The following EDIL3 variants were observed in gnomAD, a reference collection of about 807,000 sequenced individuals.
EDIL3 encodes the protein EGF-like repeat and discoidin I-like domain-containing protein 3.
In EDIL3, 37 loss-of-function variants were observed where a neutral mutation model predicts 67.4. The ratio of observed to expected loss-of-function variants is 0.55; its 90% CI spans 0.42 to 0.72. The LOEUF (loss-of-function observed/expected upper bound fraction) is 0.72. Among genes scored for constraint, EDIL3 ranks in the 30% least tolerant of loss-of-function variants. EDIL3 has a pLI of 0.00. For synonymous variants in EDIL3, 195 were observed against 196.3 expected (o/e 0.99, Z 0.05); for missense variants, 527 against 586.3 (o/e 0.90, Z 1.04).
At chr5:84,255,952 T>A (rs1399637012) in intron 1 of EDIL3, among the ~76,000 whole-genome samples, 2 of 152,170 alleles carry the variant, frequency 1.3e-5, no homozygotes, top group African/African-American at 4.8e-5. Flanking sequence ...ATTTTTAAGA[T>A]AAGGAATCAA....
At chr5:83,997,639 G>A (rs1745257718) in intron 9 of EDIL3, among the ~76,000 whole-genome samples, 1 of 152,100 alleles carries the variant, frequency 6.6e-6, no homozygotes, top group Non-Finnish European at 1.5e-5. Flanking sequence ...CTATAAATAC[G>A]AAAGTCGTCC....
intron 1 of EDIL3, among the ~76,000 whole-genome samples, chr5:84,330,116 C>A (rs1346626210): frequency 1.3e-5 from 2 of 152,014 alleles, no homozygotes. Context: ...TCGAATATAA[C>A]CCTCAAATAA....
intron 5 of EDIL3, among the ~76,000 whole-genome samples, chr5:84,128,104 G>C (rs552429929): frequency 6.6e-6 from 1 of 152,072 alleles, no homozygotes; most frequent in Non-Finnish European, 1.5e-5. Context: ...TTACTTCCAA[G>C]TGTGCTGATT....
chr5:83,952,453 G>T (rs1744438823), intron 10 of EDIL3, among the ~76,000 whole-genome samples: 1 of 151,722 alleles, frequency 6.6e-6, no homozygotes, highest in Non-Finnish European at 1.5e-5. Flanking sequence ...CCACTACTCA[G>T]ATTTTGACTG....
intron 3 of EDIL3, among the ~76,000 whole-genome samples, chr5:84,216,857 C>T (rs899187749): frequency 2.6e-5 from 4 of 152,240 alleles, no homozygotes; most frequent in East Asian, 3.9e-4. Context: ...TTGTTGAGTG[C>T]GATCTTTACA....
intron 1 of EDIL3, among the ~76,000 whole-genome samples, chr5:84,372,701 G>A (rs560862085): frequency 7.2e-5 from 11 of 152,218 alleles, no homozygotes; most frequent in African/African-American, 2.4e-4. Context: ...AGTTTTGAGT[G>A]CTGATTACTT....
At chr5:84,187,723 G>A (rs1172446529) in intron 3 of EDIL3, among the ~76,000 whole-genome samples, 1 of 151,840 alleles carries the variant, frequency 6.6e-6, no homozygotes, top group Non-Finnish European at 1.5e-5. Flanking sequence ...GCCATTTTGA[G>A]CCACTGTCAC....
At position 84,043,124 on chromosome 5, in the gene EDIL3, C is replaced by T. The variant is rs551934288; in HGVS notation, c.1137+17176G>A. 7.2e-5 allele frequency among the ~76,000 whole-genome samples: 11 copies of T among 152,222 alleles called. No homozygotes were observed. In the South Asian group the frequency reaches 1.0e-3, roughly 14 times the overall value. On this transcript the variant is annotated intron_variant, in intron 9 of 10. Coordinates refer to ENST00000296591, the MANE Select transcript of EDIL3 (RefSeq NM_005711.5). The stretch of plus-strand genomic sequence containing the variant: ...AGAAAGTTAAATGCAGTTTAAGAAA[C>T]GGGACAAAATTTTTACAACTTGAGT...
chr5:84,366,196 G>A (rs988298299), intron 1 of EDIL3, among the ~76,000 whole-genome samples: 1 of 152,092 alleles, frequency 6.6e-6, no homozygotes, highest in Non-Finnish European at 1.5e-5. Context: ...ATCAGAATGT[G>A]TACCAAGTAT....
In EDIL3 at chr5:83,941,955, C is replaced by G. The variant is rs1418672149; in HGVS notation, c.*1464G>C. 1 of 151,930 alleles carries G rather than the reference C, an allele frequency of 6.6e-6. No homozygotes were observed. Among genetic ancestry groups the G allele is most frequent in the Non-Finnish European group, 1.5e-5 (1 of 67,932 alleles). The allele number at this position is 151,930 out of a possible 1,614,324, so 9.4% of individuals were successfully genotyped here. A position where few individuals can be genotyped will look rare whatever the true frequency, so the allele number is the denominator to read the frequency against. On this transcript the variant is annotated 3_prime_UTR_variant, in exon 11 of 11. Coordinates refer to ENST00000296591, the MANE Select transcript of EDIL3 (RefSeq NM_005711.5). ...TAACAGTCTAGTGGCTTTTGTTATGCAGCACAAATATTAAAGGAAAAAAAT... is the reference window on the plus strand; with the variant it reads ...TAACAGTCTAGTGGCTTTTGTTATGGAGCACAAATATTAAAGGAAAAAAAT...
chr5:83,955,401 CAT>C (rs1744497175), intron 10 of EDIL3, among the ~76,000 whole-genome samples: 1 of 133,138 alleles, frequency 7.5e-6, no homozygotes, highest in Admixed American at 7.8e-5. Flanking sequence ...TGTTTTCACA[CAT>C]ATTTTTTCCT....
chr5:83,946,104 C>T (rs1311788282), intron 10 of EDIL3, among the ~76,000 whole-genome samples: 1 of 151,904 alleles, frequency 6.6e-6, no homozygotes, highest in Non-Finnish European at 1.5e-5. Flanking sequence ...CATAAAATCT[C>T]TAAGATTTCT....
chr5:84,071,905 C>T (rs1746746436), intron 6 of EDIL3, among the ~76,000 whole-genome samples: 1 of 151,924 alleles, frequency 6.6e-6, no homozygotes, highest in Non-Finnish European at 1.5e-5. Context: ...CAATAGACTC[C>T]AATATGCAGG....
At chr5:84,171,125 T>C (rs541546009) in intron 4 of EDIL3, among the ~76,000 whole-genome samples, 5 of 152,246 alleles carry the variant, frequency 3.3e-5, no homozygotes, top group African/African-American at 9.6e-5. Flanking sequence ...GGCCTATTAA[T>C]ATAAATATAC....
chr5:84,051,599 C>T (rs1024964062), intron 9 of EDIL3, among the ~76,000 whole-genome samples: 1 of 152,138 alleles, frequency 6.6e-6, no homozygotes, highest in Admixed American at 6.5e-5. Context: ...ATAACCAATG[C>T]AAAGAAGTCC....
intron 1 of EDIL3, among the ~76,000 whole-genome samples, chr5:84,326,165 A>G (rs1746752454): frequency 6.6e-6 from 1 of 151,912 alleles, no homozygotes; most frequent in African/African-American, 2.4e-5. Context: ...ACCTTCCACC[A>G]TGGGATGATC....
At chr5:84,023,457 A>C (rs1745753919) in intron 9 of EDIL3, among the ~76,000 whole-genome samples, 1 of 152,074 alleles carries the variant, frequency 6.6e-6, no homozygotes, top group Admixed American at 6.6e-5. Context: ...ATTGGACAGC[A>C]CAAATTTAGT....
intron 5 of EDIL3, among the ~76,000 whole-genome samples, chr5:84,121,538 G>GATCGATCGATCGATCT (rs761445154): frequency 6.9e-5 from 9 of 129,804 alleles, no homozygotes; most frequent in African/African-American, 2.4e-4. Flanking sequence ...AACTTAGATC[G>GATCGATCGATCGATCT]ATCTATCTAT....
At chr5:84,338,323 G>A (rs528238536) in intron 1 of EDIL3, among the ~76,000 whole-genome samples, 32 of 152,106 alleles carry the variant, frequency 2.1e-4, no homozygotes, top group African/African-American at 7.2e-4. Context: ...CTTAAAATGC[G>A]CTTATGCGAC....
Sources: gnomAD v4.1 joint callset for allele counts (sites outside exome capture counted in the v4.1 genomes callset) on GRCh38, gnomAD v4.1.1 for gene constraint, MANE v1.5 for transcripts, NCBI Gene and HGNC (gene_info 2026-07-23, HGNC 2026-07-21) for gene names.